MAGI2: variants seen among roughly 807,000 people sequenced by gnomAD.
MAGI2 encodes the protein membrane associated guanylate kinase, WW and PDZ domain containing 2, also known as membrane-associated guanylate kinase, WW and PDZ domain-containing protein 2.
Under a neutral mutation model 133.3 loss-of-function variants are expected in MAGI2, and 35 were observed. The observed-to-expected ratio is 0.26, with a 90% CI of 0.20 to 0.35. The LOEUF is 0.35. Ranked by LOEUF, MAGI2 falls within the 10% of genes least tolerant of loss-of-function variation. MAGI2 has a pLI of 1.00. For missense variants in MAGI2, 1,636 were observed against 1,863.4 expected (o/e 0.88, Z 2.25); for synonymous variants, 729 against 710.6 (o/e 1.03, Z -0.41).
chr7:78,988,245 C>A (rs543176868), intron 2 of MAGI2, among the ~76,000 whole-genome samples: 1 of 152,096 alleles, frequency 6.6e-6, no homozygotes, highest in South Asian at 2.1e-4. Flanking sequence ...ACAAACAAAG[C>A]CACAAATTAG....
intron 1 of MAGI2, among the ~76,000 whole-genome samples, chr7:79,333,286 C>A (rs1180245161): frequency 1.2e-4 from 19 of 152,092 alleles, no homozygotes. Context: ...TGCCACCATG[C>A]CCAGCTAATT....
chr7:78,244,829 C>CA (rs66484577), intron 10 of MAGI2, among the ~76,000 whole-genome samples: 135 of 146,008 alleles, frequency 9.2e-4, no homozygotes, highest in African/African-American at 1.2e-3. Context: ...CCAAAGATGG[C>CA]AAAAAAAAAA....
chr7:78,730,641 A>G (rs972172726), intron 2 of MAGI2, among the ~76,000 whole-genome samples: 1 of 152,176 alleles, frequency 6.6e-6, no homozygotes, highest in African/African-American at 2.4e-5. Flanking sequence ...TGGTCACATG[A>G]ATGAGGCCAC....
At chr7:78,638,685 A>G (rs1392105090) in intron 2 of MAGI2, among the ~76,000 whole-genome samples, 1 of 152,218 alleles carries the variant, frequency 6.6e-6, no homozygotes, top group East Asian at 1.9e-4. Flanking sequence ...AAGTAGGGCA[A>G]CCAACCATAA....
chr7:78,895,472 T>C (rs1416485837), intron 2 of MAGI2, among the ~76,000 whole-genome samples: 1 of 152,020 alleles, frequency 6.6e-6, no homozygotes, highest in African/African-American at 2.4e-5. Context: ...GAACTCAAAC[T>C]AGGGCACATG....
chr7:79,113,037 A>C (rs1175461718), intron 1 of MAGI2, among the ~76,000 whole-genome samples: 1 of 152,216 alleles, frequency 6.6e-6, no homozygotes, highest in East Asian at 1.9e-4. Context: ...TTATTGTATA[A>C]TTTACAATGC....
chr7:79,219,952 AT>A (rs890130020), intron 1 of MAGI2, among the ~76,000 whole-genome samples: 13 of 151,576 alleles, frequency 8.6e-5, no homozygotes, highest in African/African-American at 2.4e-4. Flanking sequence ...AATACACACG[AT>A]TTTTTTTTGT....
At chr7:79,071,007 T>C (rs1814907354) in intron 1 of MAGI2, among the ~76,000 whole-genome samples, 1 of 152,180 alleles carries the variant, frequency 6.6e-6, no homozygotes. Flanking sequence ...GTTGTGATCC[T>C]TCGAAGGAGA....
Position 79,145,639 on chromosome 7 carries a change from G to A in MAGI2, c.302-138433C>T, listed in dbSNP as rs141892487. On this transcript the variant is annotated intron_variant, in intron 1 of 21. Coordinates refer to ENST00000354212, the MANE Select transcript of MAGI2 (RefSeq NM_012301.4). ...ATCAGTCCTCAGAGAACCAATGCTC[G>A]TGTTCACATTGTCTGTTTTTAAAAG... is the stretch of plus-strand genomic sequence containing the variant. Among the ~76,000 whole-genome samples the A allele has an allele frequency of 9.4e-3, 1,435 of 152,068 alleles. 17 individuals are homozygous for A. The highest frequency in any genetic ancestry group is 0.011 in the Non-Finnish European group (717 of 67,986).
intron 1 of MAGI2, among the ~76,000 whole-genome samples, chr7:79,035,035 A>G (rs929159373): frequency 2.0e-5 from 3 of 152,172 alleles, no homozygotes; most frequent in African/African-American, 7.2e-5. Flanking sequence ...TGCTCCTACT[A>G]GGTTTATTAC....
At chr7:78,543,555 C>T (rs1337826760) in intron 3 of MAGI2, among the ~76,000 whole-genome samples, 7 of 152,216 alleles carry the variant, frequency 4.6e-5, no homozygotes, top group Non-Finnish European at 1.0e-4. Flanking sequence ...ATCAGACTCT[C>T]TCCATAGAAA....
chr7:79,439,788 C>T (rs1437025197), intron 1 of MAGI2, among the ~76,000 whole-genome samples: 1 of 152,010 alleles, frequency 6.6e-6, no homozygotes, highest in African/African-American at 2.4e-5. Flanking sequence ...AAGTCTCTTC[C>T]ATCATAACAC....
At chr7:78,730,602 C>T (rs776039836) in intron 2 of MAGI2, among the ~76,000 whole-genome samples, 4 of 151,956 alleles carry the variant, frequency 2.6e-5, no homozygotes, top group Non-Finnish European at 4.4e-5. Flanking sequence ...AGATGTACAG[C>T]GCAAAGACAT....
At chr7:79,198,946 T>C (rs1374531508) in intron 1 of MAGI2, among the ~76,000 whole-genome samples, 1 of 151,814 alleles carries the variant, frequency 6.6e-6, no homozygotes, top group South Asian at 2.1e-4. Context: ...TCCCTCAGGA[T>C]AGGTACAGAG....
At position 78,569,295 on chromosome 7, in the gene MAGI2, T is replaced by C. The variant is rs539823928; in HGVS notation, c.539-47650A>G. ...ATGAGATCAATAACTTTTTCTGTTC[T>C]GTTAAAACATATTCTGAGGGCATAG... On this transcript the variant is annotated intron_variant, in intron 3 of 21. Transcript: ENST00000354212. 8.5e-4 allele frequency among the ~76,000 whole-genome samples: 129 copies of C among 152,388 alleles called. 1 individual carries two copies. Among genetic ancestry groups the C allele is most frequent in the African/African-American group, 3.0e-3 (124 of 41,590 alleles).
chr7:78,059,354 A>C (rs1038231732), intron 21 of MAGI2, among the ~76,000 whole-genome samples: 3 of 152,228 alleles, frequency 2.0e-5, no homozygotes, highest in African/African-American at 7.2e-5. Flanking sequence ...CTTCTTTGGC[A>C]GTGTCAATAT....
At chr7:78,765,423 A>T (rs1309726313) in intron 2 of MAGI2, among the ~76,000 whole-genome samples, 1 of 130,324 alleles carries the variant, frequency 7.7e-6, no homozygotes, top group African/African-American at 3.0e-5. Flanking sequence ...ATCTTGGCTC[A>T]CTGCAACCTC....
At chr7:78,585,282 C>T (rs368935302) in intron 3 of MAGI2, among the ~76,000 whole-genome samples, 27 of 152,044 alleles carry the variant, frequency 1.8e-4, no homozygotes, top group Admixed American at 9.8e-4. Flanking sequence ...TGTTAGACTT[C>T]GAGACACCGG....
At chr7:79,342,508 T>G (rs1840977034) in intron 1 of MAGI2, among the ~76,000 whole-genome samples, 1 of 152,196 alleles carries the variant, frequency 6.6e-6, no homozygotes, top group South Asian at 2.1e-4. Context: ...ATGATTTAGA[T>G]GCTTTTTTAT....
Sources: allele counts gnomAD v4.1 joint callset (sites outside exome capture counted in the v4.1 genomes callset), GRCh38; gene constraint gnomAD v4.1.1; transcripts MANE v1.5; gene names NCBI Gene and HGNC (gene_info 2026-07-23, HGNC 2026-07-21).